The following UNC5D variants were observed in gnomAD, a reference collection of about 807,000 sequenced individuals.
The protein encoded by UNC5D is netrin receptor UNC5D.
Under a neutral mutation model 105.4 loss-of-function variants are expected in UNC5D, and 39 were observed. The observed-to-expected ratio is 0.37, with a 90% CI of 0.29 to 0.48. UNC5D has a LOEUF of 0.48. UNC5D is among the 20% of genes least tolerant of loss of function. The pLI, the probability that UNC5D is intolerant of heterozygous loss-of-function variation, is 0.98. For synonymous variants in UNC5D, 452 were observed against 450.4 expected (o/e 1.00, Z -0.04); for missense variants, 991 against 1,202.4 (o/e 0.82, Z 2.60).
At chr8:35,258,681 C>A (rs991517529) in intron 1 of UNC5D, among the ~76,000 whole-genome samples, 26 of 152,108 alleles carry the variant, frequency 1.7e-4, no homozygotes, top group Admixed American at 2.0e-4. Context: ...GTATTTGAGA[C>A]ACTGTGCTGG....
chr8:35,350,238 G>A (rs1812127774), intron 1 of UNC5D, among the ~76,000 whole-genome samples: 1 of 151,812 alleles, frequency 6.6e-6, no homozygotes, highest in Non-Finnish European at 1.5e-5. Context: ...AATAATTTAA[G>A]TGTCCATTAA....
At chr8:35,377,711 C>T (rs1201449440) in intron 1 of UNC5D, among the ~76,000 whole-genome samples, 5 of 152,122 alleles carry the variant, frequency 3.3e-5, no homozygotes, top group Non-Finnish European at 5.9e-5. Context: ...GGAAGACATT[C>T]GTATCTGTGG....
At chr8:35,396,223 T>A (rs1237739930) in intron 1 of UNC5D, among the ~76,000 whole-genome samples, 2 of 152,134 alleles carry the variant, frequency 1.3e-5, no homozygotes. Flanking sequence ...TCAGGGTTGA[T>A]GAGTCACCAG....
intron 3 of UNC5D, among the ~76,000 whole-genome samples, chr8:35,586,356 C>T (rs563941557): frequency 6.6e-6 from 1 of 152,216 alleles, no homozygotes; most frequent in South Asian, 2.1e-4. Context: ...AGATAATGTG[C>T]CAAATACAAA....
Position 35,512,569 on chromosome 8 carries a change from A to ATATCTC in UNC5D, c.104-36722_104-36721insATCTCT, listed in dbSNP as rs539399345. Among the ~76,000 whole-genome samples the ATATCTC allele has an allele frequency of 5.4e-4, 35 of 64,840 alleles. 1 individual carries two copies. The highest frequency in any genetic ancestry group is 1.6e-3 in the African/African-American group (20 of 12,414). 42.5% of individuals were successfully genotyped at this position (64,840 alleles called of 152,430 possible). On this transcript the variant is annotated intron_variant, in intron 1 of 16. Transcript: ENST00000404895. Reference sequence around the variant, plus strand: ...TATATATATATATATATATATATATATCTGAATAGATTACTAAATGGAGAT... The same window carrying ATATCTC: ...TATATATATATATATATATATATATATATCTCTCTGAATAGATTACTAAATGGAGAT...
At chr8:35,375,471 A>C (rs1802646001) in intron 1 of UNC5D, among the ~76,000 whole-genome samples, 1 of 152,206 alleles carries the variant, frequency 6.6e-6, no homozygotes, top group Non-Finnish European at 1.5e-5. Flanking sequence ...TTTATCTAAT[A>C]AAAAAGACAA....
chr8:35,556,587 G>A (rs1816564484), intron 2 of UNC5D, among the ~76,000 whole-genome samples: 1 of 152,148 alleles, frequency 6.6e-6, no homozygotes, highest in South Asian at 2.1e-4. Flanking sequence ...AAAGTAAGAG[G>A]AGGAACACAT....
intron 4 of UNC5D, among the ~76,000 whole-genome samples, chr8:35,679,681 A>C (rs910168632): frequency 6.6e-6 from 1 of 152,198 alleles, no homozygotes; most frequent in Non-Finnish European, 1.5e-5. Flanking sequence ...GTAGAAAATC[A>C]ACTGTAGAGG....
At chr8:35,395,663 T>G (rs1804051165) in intron 1 of UNC5D, among the ~76,000 whole-genome samples, 1 of 152,212 alleles carries the variant, frequency 6.6e-6, no homozygotes, top group Non-Finnish European at 1.5e-5. Context: ...CTGTGTTTAG[T>G]GCTGGCTCAT....
intron 13 of UNC5D, among the ~76,000 whole-genome samples, chr8:35,756,957 T>C (rs897585172): frequency 4.6e-5 from 7 of 152,210 alleles, no homozygotes; most frequent in African/African-American, 1.7e-4. Flanking sequence ...GTTGCTGTTA[T>C]ACTATGGCTT....
chr8:35,272,452 G>T (rs1476491592), intron 1 of UNC5D, among the ~76,000 whole-genome samples: 2 of 152,094 alleles, frequency 1.3e-5, no homozygotes, highest in South Asian at 2.1e-4. Flanking sequence ...TGCAGCAGAG[G>T]CCACAGTGGA....
At chr8:35,269,376 A>G (rs994498203) in intron 1 of UNC5D, among the ~76,000 whole-genome samples, 1 of 152,058 alleles carries the variant, frequency 6.6e-6, no homozygotes, top group African/African-American at 2.4e-5. Context: ...TAGCCTTTCT[A>G]GTCTTACCTG....
chr8:35,444,066 C>G (rs889290738), intron 1 of UNC5D, among the ~76,000 whole-genome samples: 1 of 151,962 alleles, frequency 6.6e-6, no homozygotes, highest in Non-Finnish European at 1.5e-5. Context: ...GGTAGTCTTT[C>G]TTATCTAATG....
At chr8:35,373,005 T>A (rs1181788458) in intron 1 of UNC5D, among the ~76,000 whole-genome samples, 4 of 152,188 alleles carry the variant, frequency 2.6e-5, no homozygotes, top group African/African-American at 9.6e-5. Context: ...GAGCCAGTGG[T>A]TTGCTTTAGT....
chr8:35,240,884 T>C, intron 1 of UNC5D, among the ~76,000 whole-genome samples: 1 of 152,202 alleles, frequency 6.6e-6, no homozygotes, highest in East Asian at 1.9e-4. Flanking sequence ...TTACTATACT[T>C]TGGGATTGGA....
At chr8:35,656,657 G>A (rs1823758498) in intron 4 of UNC5D, among the ~76,000 whole-genome samples, 1 of 151,998 alleles carries the variant, frequency 6.6e-6, no homozygotes, top group African/African-American at 2.4e-5. Context: ...TGTTACCATA[G>A]GATTTGGATC....
At chr8:35,666,317 G>T (rs890442811) in intron 4 of UNC5D, among the ~76,000 whole-genome samples, 1 of 151,898 alleles carries the variant, frequency 6.6e-6, no homozygotes, top group East Asian at 1.9e-4. Context: ...GGACTAATCC[G>T]TACATTGCAT....
intron 11 of UNC5D, among the ~76,000 whole-genome samples, chr8:35,742,720 T>C (rs1829821438): frequency 1.3e-5 from 2 of 152,142 alleles, no homozygotes; most frequent in South Asian, 2.1e-4. Context: ...TCAAGGAGTA[T>C]TGAGCACAGA....
In UNC5D at chr8:35,560,488, G is replaced by A. The variant is rs1563536025; in HGVS notation, c.323-7610G>A. Among the ~76,000 whole-genome samples the A allele has an allele frequency of 2.6e-5, 4 of 152,204 alleles. No homozygotes were observed. In the South Asian group the frequency reaches 8.3e-4, roughly 31 times the overall value. On this transcript the variant is annotated intron_variant, in intron 2 of 16. Transcript: ENST00000404895. ...GTATGTATACATGCATACTGCCTAT[G>A]TAAATGTGTATTTGTATGTATATCA...
Sources: gnomAD v4.1 joint callset for allele counts (sites outside exome capture counted in the v4.1 genomes callset) on GRCh38, gnomAD v4.1.1 for gene constraint, MANE v1.5 for transcripts, NCBI Gene and HGNC (gene_info 2026-07-23, HGNC 2026-07-21) for gene names.